TULP4: variants seen among roughly 807,000 people sequenced by gnomAD.
TULP4 encodes the protein tubby-related protein 4.
TULP4 carries 16 observed loss-of-function variants against 129.0 expected under a neutral mutation model. The ratio of observed to expected loss-of-function variants is 0.12; its 90% CI spans 0.08 to 0.19. The LOEUF (loss-of-function observed/expected upper bound fraction) is 0.19, where lower values mean the gene tolerates loss of function less well. Ranked by LOEUF, TULP4 falls within the 10% of genes least tolerant of loss-of-function variation. TULP4 has a pLI of 1.00. For synonymous variants in TULP4, 998 were observed against 854.0 expected, an observed-to-expected ratio of 1.17 and a Z score of -2.94; for missense variants, 1,842 against 2,059.1, an observed-to-expected ratio of 0.89 and a Z score of 2.04.
Position 158,236,795 on chromosome 6 carries a change from C to CTTTTTTTTTTTTTTTTTTTTTTTT in TULP4, n.68+4505_68+4528dup, listed in dbSNP as rs71030149. On this transcript the variant is annotated intron_variant and non_coding_transcript_variant, in intron 1 of 1. Transcript: ENST00000620026. The stretch of plus-strand genomic sequence containing the variant: ...AGATGGGTAAATGCCCAATTCTTTT[C>CTTTTTTTTTTTTTTTTTTTTTTTT]TTTTTTTTTTTTTTTTTTTTTTTTT... Among the ~76,000 whole-genome samples, 17 of 63,294 alleles carry CTTTTTTTTTTTTTTTTTTTTTTTT rather than the reference C, an allele frequency of 2.7e-4. 4 individuals carry two copies. Among genetic ancestry groups the CTTTTTTTTTTTTTTTTTTTTTTTT allele is most frequent in the African/African-American group, 3.6e-4 (5 of 13,916 alleles). The allele number at this position is 63,294 out of a possible 152,430, so 41.5% of individuals were successfully genotyped here.
At chr6:158,443,801 A>C (rs923525790) in intron 3 of TULP4, among the ~76,000 whole-genome samples, 1 of 152,122 alleles carries the variant, frequency 6.6e-6, no homozygotes, top group Non-Finnish European at 1.5e-5. Flanking sequence ...CTGTTAATCA[A>C]TTGAGCAGTT....
At chr6:158,478,948 C>T (rs1779877473) in intron 6 of TULP4, among the ~76,000 whole-genome samples, 3 of 152,186 alleles carry the variant, frequency 2.0e-5, no homozygotes, top group Admixed American at 1.3e-4. Flanking sequence ...TCTTTCCCTG[C>T]ACCGTCAGTG....
intron 1 of TULP4, among the ~76,000 whole-genome samples, chr6:158,286,800 A>G (rs934320122): frequency 1.3e-5 from 2 of 152,228 alleles, no homozygotes; most frequent in Non-Finnish European, 2.9e-5. Flanking sequence ...TAAGAACCCC[A>G]AATTTTTATT....
chr6:158,302,316 G>T (rs1173433877), intron 1 of TULP4, among the ~76,000 whole-genome samples: 1 of 152,198 alleles, frequency 6.6e-6, no homozygotes, highest in Non-Finnish European at 1.5e-5. Context: ...TTTATGTAAA[G>T]CAATATGAAA....
chr6:158,300,085 G>C (rs117316221), intron 1 of TULP4, among the ~76,000 whole-genome samples: 4,814 of 152,196 alleles, frequency 0.032, 100 homozygotes, highest in Non-Finnish European at 0.041. Flanking sequence ...CTGAGGAGTC[G>C]GCACAGATCT....
Position 158,506,822 on chromosome 6 carries a change from CG to C in TULP4, c.*130del, listed in dbSNP as rs997904807. 6 of 670,420 alleles carry C rather than the reference CG, an allele frequency of 8.9e-6. No homozygotes were observed. Among genetic ancestry groups the C allele is most frequent in the Non-Finnish European group, 1.6e-5 (6 of 382,836 alleles). The allele number at this position is 670,420 out of a possible 1,614,324, so 41.5% of individuals were successfully genotyped here. A position where few individuals can be genotyped will look rare whatever the true frequency, so the allele number is the denominator to read the frequency against. ...AGCCAACAGCAAAACTGGAAAAGCC[CG>C]GCAGGCCCAGGAGAGGGCGCTGACC... On this transcript the variant is annotated 3_prime_UTR_variant, in exon 14 of 14. Transcript: ENST00000367097.
chr6:158,251,927 T>C (rs1392696977), intron 1 of TULP4, among the ~76,000 whole-genome samples: 1 of 152,220 alleles, frequency 6.6e-6, no homozygotes, highest in Non-Finnish European at 1.5e-5. Context: ...TGGTTAGGAA[T>C]AGTCAGATTA....
At chr6:158,439,633 G>A (rs1778837903) in intron 3 of TULP4, among the ~76,000 whole-genome samples, 2 of 146,490 alleles carry the variant, frequency 1.4e-5, no homozygotes, top group Admixed American at 6.8e-5. Context: ...AGACTTAAAA[G>A]TCACTGTGCT....
intron 1 of TULP4, among the ~76,000 whole-genome samples, chr6:158,403,073 C>G (rs990814488): frequency 3.3e-5 from 5 of 152,072 alleles, no homozygotes; most frequent in African/African-American, 1.2e-4. Flanking sequence ...AATGAATATC[C>G]ATCAATTGCC....
Position 158,502,110 on chromosome 6 carries a change from A to T in TULP4, c.2447A>T (p.Asp816Val). ...RPTPQLAAEG[D>V]AVVFSAPQEV... ...ACACCGCAGCTGGCAGCTGAGGGGGACGCAGTGGTCTTTAGTGCCCCCCAG... is the reference window on the plus strand; with the variant it reads ...ACACCGCAGCTGGCAGCTGAGGGGGTCGCAGTGGTCTTTAGTGCCCCCCAG... Residue 816 changes from aspartate to valine, a missense_variant, in exon 13 of 14, where the codon GAC becomes GTC. Transcript: ENST00000367097. The T allele has an allele frequency of 6.2e-7, 1 of 1,610,102 alleles. No homozygotes were observed. The highest frequency in any genetic ancestry group is 1.7e-4 in the Middle Eastern group (1 of 6,038).
Position 158,243,452 on chromosome 6 carries a change from C to CATATAT in TULP4, n.68+11158_68+11163dup, listed in dbSNP as rs146352480. Among the ~76,000 whole-genome samples, 1,333 of 149,022 alleles carry CATATAT rather than the reference C, an allele frequency of 8.9e-3. 7 individuals are homozygous for CATATAT. Among genetic ancestry groups the CATATAT allele is most frequent in the South Asian group, 0.022 (101 of 4,692 alleles). Reference sequence around the variant, plus strand: ...GTGTGTGTGTGTGTTTATATCATATCATATATATATATATGATTGTTTGAA... The same window carrying CATATAT: ...GTGTGTGTGTGTGTTTATATCATATCATATATATATATATATATATGATTGTTTGAA... On this transcript the variant is annotated intron_variant and non_coding_transcript_variant, in intron 1 of 1. Coordinates refer to the TULP4 transcript ENST00000620026.
At chr6:158,486,656 G>A (rs920532140) in intron 8 of TULP4, among the ~76,000 whole-genome samples, 7 of 152,102 alleles carry the variant, frequency 4.6e-5, no homozygotes, top group African/African-American at 1.4e-4. Flanking sequence ...TCATTCTGGC[G>A]CCCTAGTCTT....
chr6:158,488,154 C>G (rs1780114195), intron 8 of TULP4, among the ~76,000 whole-genome samples: 1 of 152,040 alleles, frequency 6.6e-6, no homozygotes, highest in African/African-American at 2.4e-5. Flanking sequence ...TGGTCTGGGA[C>G]ATGGTATTTG....
intron 5 of TULP4, among the ~76,000 whole-genome samples, chr6:158,453,509 A>AAAAG (rs71030172): frequency 7.8e-6 from 1 of 128,200 alleles, no homozygotes; most frequent in Admixed American, 8.0e-5. Flanking sequence ...AAAAAAAAAA[A>AAAAG]GCCGGGCACG....
intron 3 of TULP4, among the ~76,000 whole-genome samples, chr6:158,442,554 C>T (rs1778922710): frequency 6.6e-6 from 1 of 152,094 alleles, no homozygotes; most frequent in Non-Finnish European, 1.5e-5. Context: ...CTTCCCAGGC[C>T]TCTTGGTGAG....
intron 1 of TULP4, among the ~76,000 whole-genome samples, chr6:158,269,432 C>T (rs1778507952): frequency 6.8e-6 from 1 of 146,278 alleles, no homozygotes; most frequent in Admixed American, 6.8e-5. Context: ...AGACTGAGAA[C>T]ATGGAGTAAG....
At chr6:158,282,800 C>T (rs1778777095) in intron 1 of TULP4, 1 of 151,990 alleles carries the variant, frequency 6.6e-6, no homozygotes, top group Non-Finnish European at 1.5e-5. Flanking sequence ...AACCCTTTCT[C>T]TGTCTAGAAT....
intron 1 of TULP4, among the ~76,000 whole-genome samples, chr6:158,401,222 C>T (rs1777840432): frequency 6.6e-6 from 1 of 152,046 alleles, no homozygotes; most frequent in African/African-American, 2.4e-5. Flanking sequence ...TACAGGCACG[C>T]ACCACCATGC....
upstream of TULP4, among the ~76,000 whole-genome samples, chr6:158,279,238 G>A (rs1054713467): frequency 3.9e-5 from 6 of 152,144 alleles, no homozygotes; most frequent in South Asian, 2.1e-4. Context: ...CACCGCGCCC[G>A]GCCTGGCTAT....
Sources: allele counts gnomAD v4.1 joint callset (sites outside exome capture counted in the v4.1 genomes callset), GRCh38; gene constraint gnomAD v4.1.1; transcripts MANE v1.5; gene names NCBI Gene and HGNC (gene_info 2026-07-23, HGNC 2026-07-21).